Variants in SAMD5 observed in about 807,000 individuals in gnomAD.
SAMD5 encodes sterile alpha motif domain-containing protein 5.
Under a neutral mutation model 11.3 loss-of-function variants are expected in SAMD5, and 13 were observed. The ratio of observed to expected loss-of-function variants is 1.15; its 90% CI spans 0.75 to 1.83. The LOEUF is 1.83. SAMD5 is among the 40% of genes most tolerant of loss of function. The pLI is 0.00. For synonymous variants in SAMD5, 129 were observed against 111.3 expected, an observed-to-expected ratio of 1.16 and a Z score of -1.00; for missense variants, 255 against 239.1, an observed-to-expected ratio of 1.07 and a Z score of -0.44.
At chr6:147,863,025 G>A in the SAMD5 span, among the ~76,000 whole-genome samples, 3 of 152,056 alleles carry the variant, frequency 2.0e-5, no homozygotes, top group Admixed American at 6.6e-5. Flanking sequence ...TACGGAGGAG[G>A]GAATGAGAGG....
chr6:147,894,125 TA>T, the SAMD5 span, among the ~76,000 whole-genome samples: 3 of 141,972 alleles, frequency 2.1e-5, no homozygotes, highest in Non-Finnish European at 3.1e-5. Context: ...CTTTGTTTTG[TA>T]TTTTTTTTTT....
At chr6:147,646,631 A>T (rs1790405574) in intron 1 of SAMD5, among the ~76,000 whole-genome samples, 2 of 152,220 alleles carry the variant, frequency 1.3e-5, no homozygotes, top group South Asian at 4.1e-4. Flanking sequence ...AAATATATGC[A>T]GAAATAAAAC....
chr6:147,537,681 G>C (rs1282874997), intron 1 of SAMD5, among the ~76,000 whole-genome samples: 1 of 150,928 alleles, frequency 6.6e-6, no homozygotes, highest in Admixed American at 6.6e-5. Flanking sequence ...GGGTGAACCC[G>C]GGAGGCGGAG....
chr6:147,897,144 T>C, the SAMD5 span, among the ~76,000 whole-genome samples: 115 of 152,312 alleles, frequency 7.6e-4, 1 homozygote, highest in African/African-American at 2.6e-3. Flanking sequence ...GTATTTTAAA[T>C]GGGTGAAGTT....
At chr6:147,690,987 T>TG (rs1295903280) in intron 1 of SAMD5, among the ~76,000 whole-genome samples, 2 of 39,346 alleles carry the variant, frequency 5.1e-5, no homozygotes, top group Non-Finnish European at 9.6e-5. Context: ...TTTTTTTTGG[T>TG]GGGGATCGGG....
intron 1 of SAMD5, among the ~76,000 whole-genome samples, chr6:147,524,139 T>G (rs1788297236): frequency 6.6e-6 from 1 of 152,164 alleles, no homozygotes; most frequent in Non-Finnish European, 1.5e-5. Flanking sequence ...TATTTCTCTC[T>G]CTCTTAATGT....
chr6:147,810,561 A>G, the SAMD5 span, among the ~76,000 whole-genome samples: 2 of 152,238 alleles, frequency 1.3e-5, no homozygotes, highest in Non-Finnish European at 2.9e-5. Flanking sequence ...TAGAAAAGCC[A>G]GGAAAGGAAT....
the SAMD5 span, among the ~76,000 whole-genome samples, chr6:147,877,895 CTAGATAGATAGA>C: frequency 4.2e-3 from 252 of 59,394 alleles, 2 homozygotes; most frequent in Non-Finnish European, 4.9e-3. Flanking sequence ...AGATAGATAG[CTAGATAGATAGA>C]TAGCTAGCTA....
the SAMD5 span, among the ~76,000 whole-genome samples, chr6:147,904,342 ACTCTAGCTCTAG>A: frequency 8.6e-5 from 13 of 152,026 alleles, no homozygotes; most frequent in East Asian, 2.3e-3. Flanking sequence ...CTTCCCATGG[ACTCTAGCTCTAG>A]TCCTATGGCT....
chr6:147,881,228 A>G, the SAMD5 span, among the ~76,000 whole-genome samples: 2 of 152,118 alleles, frequency 1.3e-5, no homozygotes, highest in African/African-American at 2.4e-5. Context: ...TTTGACAGGA[A>G]CTCTTAACAT....
At chr6:147,880,476 A>T in the SAMD5 span, among the ~76,000 whole-genome samples, 1 of 152,190 alleles carries the variant, frequency 6.6e-6, no homozygotes, top group Non-Finnish European at 1.5e-5. Flanking sequence ...TTCACACTCG[A>T]TTGGTAGAGA....
At chr6:147,525,730 G>A (rs928911016) in intron 1 of SAMD5, among the ~76,000 whole-genome samples, 1 of 152,140 alleles carries the variant, frequency 6.6e-6, no homozygotes, top group Non-Finnish European at 1.5e-5. Context: ...GATGAAGAGA[G>A]AAGCCTTTGC....
At chr6:147,834,435 A>C in the SAMD5 span, among the ~76,000 whole-genome samples, 4 of 152,178 alleles carry the variant, frequency 2.6e-5, 1 homozygote, top group South Asian at 4.1e-4. Context: ...ATTTGAAAGA[A>C]TCTGTTGAAA....
At chr6:147,924,681 A>T in the SAMD5 span, among the ~76,000 whole-genome samples, 1 of 151,736 alleles carries the variant, frequency 6.6e-6, no homozygotes, top group East Asian at 1.9e-4. Context: ...AAATAAACCA[A>T]ACAAAACTAA....
intron 1 of SAMD5, among the ~76,000 whole-genome samples, chr6:147,708,859 G>A (rs956288916): frequency 1.3e-5 from 2 of 152,128 alleles, no homozygotes; most frequent in Non-Finnish European, 2.9e-5. Context: ...TTGAATGCTT[G>A]GTAAAAATAT....
chr6:147,757,580 G>A, the SAMD5 span, among the ~76,000 whole-genome samples: 1 of 152,286 alleles, frequency 6.6e-6, no homozygotes, highest in East Asian at 1.9e-4. Context: ...TGGTACTTCA[G>A]TTTTCTGCTA....
chr6:147,684,772 T>G (rs1351096940), intron 1 of SAMD5, among the ~76,000 whole-genome samples: 1 of 152,218 alleles, frequency 6.6e-6, no homozygotes, highest in Non-Finnish European at 1.5e-5. Context: ...AAAATTATCA[T>G]GTAAAATGAA....
intron 1 of SAMD5, among the ~76,000 whole-genome samples, chr6:147,691,233 A>T (rs1306145177): frequency 8.6e-5 from 13 of 152,042 alleles, no homozygotes; most frequent in Admixed American, 8.5e-4. Flanking sequence ...ACCTCAAGTG[A>T]TCCACCTGCC....
intron 1 of SAMD5, among the ~76,000 whole-genome samples, chr6:147,601,115 C>T (rs1473426123): frequency 2.0e-5 from 3 of 152,166 alleles, no homozygotes; most frequent in Non-Finnish European, 4.4e-5. Flanking sequence ...CACAAGCTGA[C>T]CCCAGACAGA....
Sources: gnomAD v4.1 joint callset for allele counts (sites outside exome capture counted in the v4.1 genomes callset) on GRCh38, gnomAD v4.1.1 for gene constraint, MANE v1.5 for transcripts, NCBI Gene and HGNC (gene_info 2026-07-23, HGNC 2026-07-21) for gene names.